The following EVPLL variants were observed in gnomAD, a reference collection of about 807,000 sequenced individuals.
The protein encoded by EVPLL is envoplakin-like protein.
In EVPLL, 39 loss-of-function variants were observed where a neutral mutation model predicts 46.2. The ratio of observed to expected loss-of-function variants is 0.84; its 90% CI spans 0.65 to 1.10. The LOEUF (loss-of-function observed/expected upper bound fraction) is 1.10. Ranked by LOEUF, EVPLL falls within the 50% of genes least tolerant of loss-of-function variation. The pLI, the probability that EVPLL is intolerant of heterozygous loss-of-function variation, is 0.00. For synonymous variants in EVPLL, 156 were observed against 165.8 expected, an observed-to-expected ratio of 0.94 and a Z score of 0.46; for missense variants, 385 against 412.6, an observed-to-expected ratio of 0.93 and a Z score of 0.58.
rs1400796383 is a variant in EVPLL at position 18,380,950 on chromosome 17, G to A, written c.13G>A (p.Ala5Thr). MQAS[A>T]DQVERDILET... ...GCTCATCTCCCACATGCAAGCCAGC[G>A]CCGACCAGGTGGAGCGGGACATCCT... The change falls in exon 2 of 11, where the codon GCC becomes ACC. Residue 5 changes from alanine to threonine, a missense_variant. By Grantham distance (58) the Ala-to-Thr change is moderately conservative. Coordinates refer to ENST00000399134, the MANE Select transcript of EVPLL (RefSeq NM_001145127.2). 9.4e-6 allele frequency: 15 copies of A among 1,595,236 alleles called. No homozygotes were observed. Among genetic ancestry groups the A allele is most frequent in the Non-Finnish European group, 1.3e-5 (15 of 1,171,708 alleles).
chr17:18,388,156 C>G (rs586214), intron 9 of EVPLL, 63 bp from the exon 10 acceptor site: 435,602 of 914,000 alleles, frequency 0.48, 101,992 homozygotes, highest in African/African-American at 0.63. Flanking sequence ...AGTGTAGGAC[C>G]CTTACAACGT....
rs1432387924 is a variant in EVPLL at position 18,383,193 on chromosome 17, G to C, written c.672+8G>C. 1 of 1,546,350 alleles carries C rather than the reference G, an allele frequency of 6.5e-7. No homozygotes were observed. The highest frequency in any genetic ancestry group is 8.7e-7 in the Non-Finnish European group (1 of 1,151,030). The stretch of plus-strand genomic sequence containing the variant: ...GTGCGGCGGGAATACGAGGTCGGCT[G>C]GCAGAGGTTGGGGCCAGGCGGGGGC... On this transcript the variant is annotated splice_region_variant and intron_variant, in intron 7 of 10. Coordinates refer to ENST00000399134, the MANE Select transcript of EVPLL (RefSeq NM_001145127.2).
chr17:18,381,906 C>T lies in EVPLL; in HGVS notation c.346+176C>T, dbSNP rs1987591468. 9.8e-7 allele frequency: 1 copy of T among 1,018,360 alleles called. No individual in the cohort carries two copies. The highest frequency in any genetic ancestry group is 1.4e-6 in the Non-Finnish European group (1 of 699,392). 63.1% of individuals were successfully genotyped at this position (1,018,360 alleles called of 1,614,324 possible). A position where few individuals can be genotyped will look rare whatever the true frequency, so the allele number is the denominator to read the frequency against. ...GGAAGACTTCCTGTAGGAGGAGGCACATGAAGAGACCTCAGAGGGGTGAGA... is the reference window on the plus strand; with the variant it reads ...GGAAGACTTCCTGTAGGAGGAGGCATATGAAGAGACCTCAGAGGGGTGAGA... On this transcript the variant is annotated intron_variant, in intron 4 of 10. Transcript: ENST00000399134. This position sits in a 1 kb window ranked among gnomAD's most constrained non-coding sequence, Gnocchi z 4.2.
rs149300087 is a variant in EVPLL, at chr17:18,380,843, G to C, written c.-36-59G>C. The stretch of plus-strand genomic sequence containing the variant: ...GAGAGAGGGCAGGGGACGCCACCTG[G>C]ATGGGGCACAGAGGGGCCTCTTCCA... On this transcript the variant is annotated intron_variant, in intron 1 of 10. Transcript: ENST00000399134. The C allele has an allele frequency of 2.8e-6, 4 of 1,435,450 alleles. No individual in the cohort carries two copies. The African/African-American group carries it at 5.6e-5, about 20-fold the overall frequency. The allele number at this position is 1,435,450 out of a possible 1,614,324, so 88.9% of individuals were successfully genotyped here.
intron 1 of EVPLL, chr17:18,379,948 A>G (rs1451269557): frequency 1.3e-5 from 2 of 152,340 alleles, no homozygotes; most frequent in Non-Finnish European, 2.9e-5. Context: ...GTCACACAGC[A>G]TTAATGATGG....
At position 18,381,054 on chromosome 17, in the gene EVPLL, G is replaced by T; in HGVS notation, c.63+54G>T. 3.2e-6 allele frequency: 5 copies of T among 1,546,910 alleles called. No homozygotes were observed. Among genetic ancestry groups the T allele is most frequent in the Middle Eastern group, 2.1e-4 (1 of 4,830 alleles). ...GTGGGCAGGCTGGGTGGCATGGGAG[G>T]CCCATCATCAGGCCTGGCACTCCCT... On this transcript the variant is annotated intron_variant, in intron 2 of 10. Transcript: ENST00000399134. The surrounding 1 kb of genome is among the most constrained non-coding windows in gnomAD (Gnocchi z 4.2).
At position 18,383,047 on chromosome 17, in the gene EVPLL, A is replaced by T. The variant is rs1351327176; in HGVS notation, c.534A>T (p.Ala178=). The T allele has an allele frequency of 6.4e-7, 1 of 1,560,246 alleles. No homozygotes were observed. Among genetic ancestry groups the T allele is most frequent in the African/African-American group, 1.4e-5 (1 of 73,722 alleles). Residue 178 remains alanine (A), a synonymous_variant, in exon 7 of 11, where the codon GCA becomes GCT. Coordinates refer to ENST00000399134, the MANE Select transcript of EVPLL (RefSeq NM_001145127.2). Reference sequence around the variant, plus strand: ...CAGAGGGCGGCGTCGTGGCGCGGGCAGAGCCTGGGCAGCCTGTACACGCAC... The same window carrying T: ...CAGAGGGCGGCGTCGTGGCGCGGGCTGAGCCTGGGCAGCCTGTACACGCAC... ...RPTEGGVVAR[A]EPGQPVHALQ...
intron 9 of EVPLL, chr17:18,383,843 C>T (rs924717125): frequency 9.2e-6 from 4 of 436,248 alleles, no homozygotes; most frequent in African/African-American, 4.0e-5. Context: ...GGTGGTGGCA[C>T]GCGCCTGTAA....
chr17:18,385,966 G>A (rs954564246), intron 9 of EVPLL, among the ~76,000 whole-genome samples: 2 of 152,194 alleles, frequency 1.3e-5, no homozygotes, highest in Admixed American at 1.3e-4. Context: ...GGAAGCCTGA[G>A]TCTCCATCGC....
rs1308803237 is a variant in EVPLL at position 18,382,476 on chromosome 17, T to TGGA, written c.347-35_347-34insAGG. 5 of 1,550,098 alleles carry TGGA rather than the reference T, an allele frequency of 3.2e-6. No homozygotes were observed. The African/African-American group carries it at 6.8e-5, about 21-fold the overall frequency. ...TGTGGGGTTCTCTGGCTCTCCACCC[T>TGGA]GGTCCTGTGGTGACTGAGCCGCCGG... is the stretch of plus-strand genomic sequence containing the variant. On this transcript the variant is annotated intron_variant, in intron 4 of 10. Coordinates refer to ENST00000399134, the MANE Select transcript of EVPLL (RefSeq NM_001145127.2).
chr17:18,385,649 G>A (rs1247878479), intron 9 of EVPLL, among the ~76,000 whole-genome samples: 1 of 151,106 alleles, frequency 6.6e-6, no homozygotes, highest in African/African-American at 2.4e-5. Context: ...TAGGCAGCAA[G>A]GAAAGGGCAG....
intron 6 of EVPLL, 21 bp downstream of exon 6, chr17:18,382,885 G>A: frequency 1.9e-6 from 3 of 1,611,518 alleles, no homozygotes; most frequent in Non-Finnish European, 2.5e-6. Context: ...GGGAGGGTCG[G>A]GCAGGGTGGC....
intron 9 of EVPLL, 130 bp from the exon 10 acceptor site, chr17:18,388,089 G>A (rs1253153635): frequency 4.8e-6 from 2 of 414,852 alleles, no homozygotes; most frequent in Non-Finnish European, 4.3e-6. Flanking sequence ...TGTGTGTAAT[G>A]GTTGTCTACA....
At position 18,381,247 on chromosome 17, in the gene EVPLL, G is replaced by A; in HGVS notation, c.64-120G>A. 1.4e-6 allele frequency: 2 copies of A among 1,426,156 alleles called. No homozygotes were observed. Among genetic ancestry groups the A allele is most frequent in the African/African-American group, 1.4e-5 (1 of 69,864 alleles). 88.3% of individuals were successfully genotyped at this position (1,426,156 alleles called of 1,614,324 possible). A position where few individuals can be genotyped will look rare whatever the true frequency, so the allele number is the denominator to read the frequency against. ...CTGGGCCTGACCCTGTGCCTGGCGT[G>A]GGCCTCGAGGTTGGCCAGCATAGCT... is the stretch of plus-strand genomic sequence containing the variant. On this transcript the variant is annotated intron_variant, in intron 2 of 10. Coordinates refer to ENST00000399134, the MANE Select transcript of EVPLL (RefSeq NM_001145127.2). This position sits in a 1 kb window ranked among gnomAD's most constrained non-coding sequence, Gnocchi z 4.2.
In EVPLL at chr17:18,381,833, G is replaced by A. The variant is rs1449250613; in HGVS notation, c.346+103G>A. The A allele has an allele frequency of 3.9e-6, 6 of 1,556,420 alleles. No individual in the cohort carries two copies. Among genetic ancestry groups the A allele is most frequent in the Non-Finnish European group, 5.2e-6 (6 of 1,144,230 alleles). On this transcript the variant is annotated intron_variant, in intron 4 of 10. Transcript: ENST00000399134. This position sits in a 1 kb window ranked among gnomAD's most constrained non-coding sequence, Gnocchi z 4.2. ...GCTTGAACAGTCAGTGTATAGTGGTGTCTCAGGGGTCTGGGCAGGGAGACA... is the reference window on the plus strand; with the variant it reads ...GCTTGAACAGTCAGTGTATAGTGGTATCTCAGGGGTCTGGGCAGGGAGACA...
Position 18,383,379 on chromosome 17 carries a change from G to A in EVPLL, c.780+1G>A. ...GCACCCCGCGGTGGGGCCCATCCAG[G>A]TGCGCTGGGGGCAGGGCGAGAGTGA... On this transcript the variant is annotated splice_donor_variant, in intron 8 of 10. Coordinates refer to ENST00000399134, the MANE Select transcript of EVPLL (RefSeq NM_001145127.2). LOFTEE classifies it high-confidence loss of function. 6.3e-7 allele frequency: 1 copy of A among 1,587,368 alleles called. No individual in the cohort carries two copies. The highest frequency in any genetic ancestry group is 1.8e-5 in the Admixed American group (1 of 56,750).
At chr17:18,380,693 C>A in intron 1 of EVPLL, 1 of 549,604 alleles carries the variant, frequency 1.8e-6, no homozygotes, top group Non-Finnish European at 3.3e-6. Flanking sequence ...AGACCCTCAC[C>A]TTTTGACCCC....
rs754606884 is a variant in EVPLL, at chr17:18,381,648, C to A, written c.264C>A (p.Tyr88Ter). Residue 88 changes from tyrosine (Y) to a stop codon, truncating the protein, a stop_gained, in exon 4 of 11, where the codon TAC (tyrosine) becomes TAA (stop). Coordinates refer to ENST00000399134, the MANE Select transcript of EVPLL (RefSeq NM_001145127.2). LOFTEE classifies it high-confidence loss of function. The surrounding 1 kb of genome is among the most constrained non-coding windows in gnomAD (Gnocchi z 4.2). ...GGGTGACCCAGGAGTGTGCGGAGTA[C>A]TGTGCCCTGTACGAGAAGATGGTGC... Reference protein sequence around the residue: ...HERVTQECAEYCALYEKMVLP... With the variant: ...HERVTQECAE 1.5e-5 allele frequency: 24 copies of A among 1,614,088 alleles called. No homozygotes were observed. Among genetic ancestry groups the A allele is most frequent in the Non-Finnish European group, 2.0e-5 (24 of 1,180,046 alleles).
rs867781917 is a variant in EVPLL at position 18,386,980 on chromosome 17, C to T, written c.877-1239C>T. ...CCTGATCTCTGCTCACTGCAAGCTCCACCTCCTGGGTTCATGCCATTCTCC... is the reference window on the plus strand; with the variant it reads ...CCTGATCTCTGCTCACTGCAAGCTCTACCTCCTGGGTTCATGCCATTCTCC... On this transcript the variant is annotated intron_variant, in intron 9 of 10. Coordinates refer to ENST00000399134, the MANE Select transcript of EVPLL (RefSeq NM_001145127.2). Among the ~76,000 whole-genome samples, 50 of 151,660 alleles carry T rather than the reference C, an allele frequency of 3.3e-4. No individual in the cohort carries two copies. The Middle Eastern group carries it at 0.01, about 31-fold the overall frequency.
Sources: gnomAD v4.1 joint callset for allele counts (sites outside exome capture counted in the v4.1 genomes callset) on GRCh38, gnomAD v4.1.1 for gene constraint, Gnocchi (gnomAD v3.1) non-coding constraint, MANE v1.5 for transcripts, NCBI Gene and HGNC (gene_info 2026-07-23, HGNC 2026-07-21) for gene names.